PLEKHH2: variants seen among roughly 807,000 people sequenced by gnomAD.
PLEKHH2 encodes pleckstrin homology domain-containing family H member 2.
A neutral mutation model predicts 187.9 loss-of-function variants in PLEKHH2; 129 were observed. The ratio of observed to expected loss-of-function variants is 0.69; its 90% CI spans 0.59 to 0.79. The LOEUF (loss-of-function observed/expected upper bound fraction) is 0.79, where lower values mean the gene tolerates loss of function less well. PLEKHH2 is among the 30% of genes least tolerant of loss of function. The pLI, the probability that PLEKHH2 is intolerant of heterozygous loss-of-function variation, is 0.00. For missense variants in PLEKHH2, 2,076 were observed against 1,751.2 expected (o/e 1.19, Z -3.31); for synonymous variants, 686 against 605.6 (o/e 1.13, Z -1.95).
intron 2 of PLEKHH2, among the ~76,000 whole-genome samples, chr2:43,666,825 A>G (rs1667242392): frequency 6.6e-6 from 1 of 152,130 alleles, no homozygotes; most frequent in African/African-American, 2.4e-5. Context: ...TGAATTGTAA[A>G]AATTCCTTAT....
intron 3 of PLEKHH2, among the ~76,000 whole-genome samples, chr2:43,683,582 T>C (rs1668348672): frequency 6.6e-6 from 1 of 152,212 alleles, no homozygotes; most frequent in Non-Finnish European, 1.5e-5. Context: ...GGTTAATTTG[T>C]TCTCTAAAGC....
intron 3 of PLEKHH2, chr2:43,681,038 A>G: frequency 7.8e-7 from 1 of 1,278,100 alleles, no homozygotes. Flanking sequence ...GCCAACTGGA[A>G]TTCCTTCCTG....
At chr2:43,675,490 A>G in intron 2 of PLEKHH2, 1 of 1,614,010 alleles carries the variant, frequency 6.2e-7, no homozygotes, top group Non-Finnish European at 8.5e-7. Context: ...TTGGGGGGTC[A>G]GTCCATTGAA....
At chr2:43,654,437 T>C (rs1335908221) in intron 2 of PLEKHH2, among the ~76,000 whole-genome samples, 1 of 151,946 alleles carries the variant, frequency 6.6e-6, no homozygotes, top group Non-Finnish European at 1.5e-5. Context: ...CCTTGTGATC[T>C]GCCTGCCTCG....
rs776228544 is a variant in PLEKHH2 at position 43,745,936 on chromosome 2, G to C, written c.3626G>C (p.Arg1209Thr). The change falls in exon 24 of 30, where the codon AGG becomes ACG. Residue 1209 changes from arginine (R) to threonine (T), a missense_variant. Transcript: ENST00000282406. ...CAGCCTGGAAAATGTGAAGGTACAA[G>C]GACTGTTCGTCTGACATACAAAAAC... ...EQQPGKCEGT[R>T]TVRLTYKNRL... is the part of the protein sequence containing the mutation. The C allele has an allele frequency of 1.3e-5, 21 of 1,611,468 alleles. No individual in the cohort carries two copies. Among genetic ancestry groups the C allele is most frequent in the Non-Finnish European group, 1.8e-5 (21 of 1,178,444 alleles).
At position 43,759,498 on chromosome 2, in the gene PLEKHH2, T is replaced by G. The variant is rs906649020; in HGVS notation, c.4071+469T>G. On this transcript the variant is annotated intron_variant, in intron 27 of 29. Transcript: ENST00000282406. Reference sequence around the variant, plus strand: ...AACCACTGTATGGCAAATATCACTATGAGTCACATGAACAGACTGCTGCAG... The same window carrying G: ...AACCACTGTATGGCAAATATCACTAGGAGTCACATGAACAGACTGCTGCAG... Among the ~76,000 whole-genome samples the G allele has an allele frequency of 2.0e-5, 3 of 152,246 alleles. No individual in the cohort carries two copies. The South Asian group carries it at 6.2e-4, about 32-fold the overall frequency.
chr2:43,678,491 C>G (rs1009241277), intron 2 of PLEKHH2, among the ~76,000 whole-genome samples: 1 of 152,186 alleles, frequency 6.6e-6, no homozygotes, highest in Non-Finnish European at 1.5e-5. Flanking sequence ...GCAGATCACT[C>G]GCGGTTAGGA....
chr2:43,657,957 C>T (rs1399126735), intron 2 of PLEKHH2, among the ~76,000 whole-genome samples: 1 of 152,214 alleles, frequency 6.6e-6, no homozygotes, highest in African/African-American at 2.4e-5. Flanking sequence ...TTATAACACA[C>T]ATACATAATA....
intron 1 of PLEKHH2, among the ~76,000 whole-genome samples, chr2:43,639,091 A>G (rs570202517): frequency 2.2e-4 from 34 of 152,210 alleles, no homozygotes; most frequent in Non-Finnish European, 4.3e-4. Flanking sequence ...GATACTTTTC[A>G]TATTTGGGGT....
intron 14 of PLEKHH2, chr2:43,711,581 C>G (rs1348442965): frequency 1.9e-5 from 19 of 976,980 alleles, no homozygotes; most frequent in Non-Finnish European, 2.3e-5. Flanking sequence ...TTTAATCATT[C>G]TGCTCCTCAT....
chr2:43,694,445 A>T lies in PLEKHH2; in HGVS notation c.351A>T (p.Ile117=), dbSNP rs1464533858. 5.1e-6 allele frequency: 8 copies of T among 1,561,504 alleles called. No homozygotes were observed. Among genetic ancestry groups the T allele is most frequent in the Non-Finnish European group, 5.2e-6 (6 of 1,146,722 alleles). The change falls in exon 5 of 30, where the codon ATA becomes ATT. Residue 117 remains isoleucine, a synonymous_variant. Coordinates refer to ENST00000282406, the MANE Select transcript of PLEKHH2 (RefSeq NM_172069.4). ...LQLEEQKQIR[I]QEAKIIEEKA... Reference sequence around the variant, plus strand: ...TGTTATTTCAGAAACAAATAAGAATACAAGAAGCTAAAATAATAGAAGAGA... The same window carrying T: ...TGTTATTTCAGAAACAAATAAGAATTCAAGAAGCTAAAATAATAGAAGAGA...
chr2:43,666,574 T>A (rs865820309), intron 2 of PLEKHH2, among the ~76,000 whole-genome samples: 2 of 152,376 alleles, frequency 1.3e-5, no homozygotes, highest in South Asian at 4.1e-4. Flanking sequence ...CTACCAGTAA[T>A]GCTTGAGTGT....
At chr2:43,667,148 T>C (rs1032216324) in intron 2 of PLEKHH2, among the ~76,000 whole-genome samples, 1 of 152,116 alleles carries the variant, frequency 6.6e-6, no homozygotes, top group Non-Finnish European at 1.5e-5. Flanking sequence ...TTGTATATGA[T>C]GCAAGATAAT....
intron 1 of PLEKHH2, among the ~76,000 whole-genome samples, chr2:43,642,644 G>C (rs1425395223): frequency 2.6e-5 from 4 of 152,050 alleles, no homozygotes; most frequent in Admixed American, 6.5e-5. Context: ...TCTATTTGTA[G>C]TTTCTTGAAT....
chr2:43,637,760 G>T (rs551144596), intron 1 of PLEKHH2, among the ~76,000 whole-genome samples: 3 of 152,198 alleles, frequency 2.0e-5, no homozygotes, highest in East Asian at 1.9e-4. Flanking sequence ...GGACCCGCGC[G>T]GTCAGGGATG....
chr2:43,690,157 T>G (rs1367703078), intron 3 of PLEKHH2, among the ~76,000 whole-genome samples: 2 of 152,236 alleles, frequency 1.3e-5, no homozygotes. Flanking sequence ...AGCTATACCA[T>G]CTTAAGATTA....
chr2:43,707,995 T>A (rs966214088), intron 11 of PLEKHH2, among the ~76,000 whole-genome samples: 2 of 152,244 alleles, frequency 1.3e-5, no homozygotes, highest in Non-Finnish European at 2.9e-5. Flanking sequence ...GAAGACATTC[T>A]GTGTGTAGGT....
At chr2:43,714,409 A>G (rs999558924) in intron 15 of PLEKHH2, among the ~76,000 whole-genome samples, 1 of 152,006 alleles carries the variant, frequency 6.6e-6, no homozygotes, top group Non-Finnish European at 1.5e-5. Flanking sequence ...GTGCTTGTCC[A>G]CCCCCATATT....
chr2:43,692,527 A>C lies in PLEKHH2; in HGVS notation c.200A>C (p.Glu67Ala), dbSNP rs560764411. ...EKAFQQVQVM[E>A]DKLKAANIQT... ...CTTTGAATTTAGGTACAAGTTATGG[A>C]AGATAAATTAAAAGCAGCTAATATT... The change falls in exon 4 of 30, where the codon GAA becomes GCA. Residue 67 changes from glutamate (E) to alanine (A), a missense_variant. Physicochemically the swap from Glu to Ala is moderately radical, Grantham distance 107. Coordinates refer to ENST00000282406, the MANE Select transcript of PLEKHH2 (RefSeq NM_172069.4). The C allele has an allele frequency of 4.6e-5, 73 of 1,573,476 alleles. No homozygotes were observed. Among genetic ancestry groups the C allele is most frequent in the Non-Finnish European group, 6.1e-5 (70 of 1,148,352 alleles).
Sources: allele counts gnomAD v4.1 joint callset (sites outside exome capture counted in the v4.1 genomes callset), GRCh38; gene constraint gnomAD v4.1.1; transcripts MANE v1.5; gene names NCBI Gene and HGNC (gene_info 2026-07-23, HGNC 2026-07-21).